Variants in LRRFIP1 observed in about 807,000 individuals in gnomAD.
LRRFIP1 encodes leucine-rich repeat flightless-interacting protein 1.
Under a neutral mutation model 104.4 loss-of-function variants are expected in LRRFIP1, and 62 were observed. That is an observed-to-expected ratio of 0.59 (90% confidence interval 0.48 to 0.73). The LOEUF is 0.73. Among genes scored for constraint, LRRFIP1 ranks in the 30% least tolerant of loss-of-function variants. LRRFIP1 has a pLI of 0.00. For missense variants in LRRFIP1, 796 were observed against 824.5 expected, an observed-to-expected ratio of 0.97 and a Z score of 0.42; for synonymous variants, 300 against 299.0, an observed-to-expected ratio of 1.00 and a Z score of -0.03.
intron 19 of LRRFIP1, chr2:237,765,033 A>C (rs112365437): frequency 1.1e-6 from 1 of 912,340 alleles, no homozygotes; most frequent in African/African-American, 1.8e-5. Context: ...AGGCCAAGGC[A>C]GGTGGATCAC....
intron 1 of LRRFIP1, among the ~76,000 whole-genome samples, chr2:237,630,591 A>G (rs951588890): frequency 2.0e-5 from 3 of 152,224 alleles, no homozygotes; most frequent in African/African-American, 7.2e-5. Flanking sequence ...GGCTTCCTGG[A>G]GGAAGTGGCA....
chr2:237,674,971 T>C (rs1007827248), intron 1 of LRRFIP1, among the ~76,000 whole-genome samples: 4 of 152,228 alleles, frequency 2.6e-5, no homozygotes, highest in Non-Finnish European at 5.9e-5. Context: ...AGAGAGAGCC[T>C]GGGCAGTGGG....
chr2:237,772,028 C>T (rs973701633), intron 20 of LRRFIP1, 53 bp from the exon 21 acceptor site: 38 of 1,301,914 alleles, frequency 2.9e-5, no homozygotes, highest in East Asian at 9.3e-5. Flanking sequence ...TTCAGCTTTT[C>T]GGTCTCATTC....
At chr2:237,688,791 C>T (rs752439885) in intron 1 of LRRFIP1, among the ~76,000 whole-genome samples, 15 of 151,924 alleles carry the variant, frequency 9.9e-5, no homozygotes, top group Non-Finnish European at 1.5e-4. Flanking sequence ...AAACCCCCCA[C>T]CCCCCTGCTC....
intron 9 of LRRFIP1, among the ~76,000 whole-genome samples, chr2:237,734,272 C>CTT: frequency 1.6e-5 from 2 of 125,194 alleles, no homozygotes; most frequent in African/African-American, 7.6e-5. Context: ...TTGTTAATAA[C>CTT]CTTTTTTTTT....
At chr2:237,697,234 G>T (rs561750692) in intron 1 of LRRFIP1, among the ~76,000 whole-genome samples, 1 of 152,116 alleles carries the variant, frequency 6.6e-6, no homozygotes, top group East Asian at 1.9e-4. Context: ...CATTGGCCGG[G>T]GTGGTCTCAA....
rs192968609 is a variant in LRRFIP1 at position 237,777,276 on chromosome 2, T to A, written c.1813-2146T>A. On this transcript the variant is annotated intron_variant, in intron 23 of 23. Transcript: ENST00000308482. Reference sequence around the variant, plus strand: ...GCTGTTGTTTTATATTGCCCATGTTTGTTTGACATAACTACATATTGGCCA... The same window carrying A: ...GCTGTTGTTTTATATTGCCCATGTTAGTTTGACATAACTACATATTGGCCA... Among the ~76,000 whole-genome samples the A allele has an allele frequency of 6.0e-4, 92 of 152,378 alleles. 1 individual carries two copies. Among genetic ancestry groups the A allele is most frequent in the Middle Eastern group, 3.4e-3 (1 of 294 alleles).
chr2:237,645,838 G>T (rs2084821525), intron 1 of LRRFIP1, among the ~76,000 whole-genome samples: 1 of 152,006 alleles, frequency 6.6e-6, no homozygotes, highest in African/African-American at 2.4e-5. Flanking sequence ...TTGCAGAGAA[G>T]GGTGACCTTT....
chr2:237,712,676 C>T (rs2094155042), intron 2 of LRRFIP1, among the ~76,000 whole-genome samples: 1 of 152,162 alleles, frequency 6.6e-6, no homozygotes, highest in African/African-American at 2.4e-5. Flanking sequence ...TGTGCGCTCA[C>T]ACACGTGAGC....
chr2:237,741,140 C>T (rs1031372923), intron 11 of LRRFIP1, among the ~76,000 whole-genome samples: 12 of 152,344 alleles, frequency 7.9e-5, no homozygotes, highest in African/African-American at 1.2e-4. Context: ...GAGTGCGAGG[C>T]GGCAGCTACC....
At chr2:237,636,182 C>T (rs2083078150) in intron 1 of LRRFIP1, among the ~76,000 whole-genome samples, 1 of 151,700 alleles carries the variant, frequency 6.6e-6, no homozygotes, top group South Asian at 2.1e-4. Flanking sequence ...GATTTTTCCC[C>T]CACTTATTGA....
intron 13 of LRRFIP1, 53 bp from the exon 14 acceptor site, chr2:237,751,147 G>T: frequency 7.9e-7 from 1 of 1,263,218 alleles, no homozygotes; most frequent in East Asian, 2.4e-5. Flanking sequence ...AAAGATTTAG[G>T]GAATCACCTG....
intron 19 of LRRFIP1, chr2:237,764,579 T>G: frequency 1.0e-6 from 1 of 1,003,988 alleles, no homozygotes; most frequent in Non-Finnish European, 1.2e-6. Context: ...CTTGTTCACA[T>G]ATGTGTACTT....
At chr2:237,632,118 G>T (rs2082431669) in intron 1 of LRRFIP1, among the ~76,000 whole-genome samples, 2 of 149,684 alleles carry the variant, frequency 1.3e-5, no homozygotes, top group African/African-American at 4.9e-5. Context: ...CAGTTGCGGA[G>T]AAGGGGTCGC....
intron 19 of LRRFIP1, chr2:237,762,802 A>G: frequency 6.2e-7 from 1 of 1,614,234 alleles, no homozygotes; most frequent in Non-Finnish European, 8.5e-7. Context: ...GAACCTTAGC[A>G]GGTGCTACCT....
intron 1 of LRRFIP1, among the ~76,000 whole-genome samples, chr2:237,665,981 C>T (rs981221323): frequency 1.3e-5 from 2 of 152,268 alleles, no homozygotes; most frequent in Non-Finnish European, 2.9e-5. Flanking sequence ...CAGGAGCTCA[C>T]GGCCTTCCCC....
chr2:237,740,348 C>T (rs1017416918), intron 11 of LRRFIP1, among the ~76,000 whole-genome samples: 6 of 151,898 alleles, frequency 4.0e-5, no homozygotes, highest in Admixed American at 1.3e-4. Flanking sequence ...CCCAGGAGTT[C>T]GAGGTTGCAA....
At chr2:237,759,189 A>G (rs190439392) in intron 18 of LRRFIP1, among the ~76,000 whole-genome samples, 63 of 152,342 alleles carry the variant, frequency 4.1e-4, no homozygotes, top group African/African-American at 1.4e-3. Context: ...CTAGAGGAAC[A>G]GTGACTTGGG....
At chr2:237,767,325 C>T (rs931303157) in intron 19 of LRRFIP1, among the ~76,000 whole-genome samples, 1 of 152,110 alleles carries the variant, frequency 6.6e-6, no homozygotes, top group Non-Finnish European at 1.5e-5. Flanking sequence ...AGCCATATCC[C>T]CAGACGAACC....
Sources: gnomAD v4.1 joint callset for allele counts (sites outside exome capture counted in the v4.1 genomes callset) on GRCh38, gnomAD v4.1.1 for gene constraint, MANE v1.5 for transcripts, NCBI Gene and HGNC (gene_info 2026-07-23, HGNC 2026-07-21) for gene names.